SLCO4C1: variants seen among roughly 807,000 people sequenced by gnomAD.
SLCO4C1 encodes the protein organic anion transporter M1.
SLCO4C1 carries 58 observed loss-of-function variants against 72.1 expected under a neutral mutation model. That is an observed-to-expected ratio of 0.80 (90% CI 0.65 to 1.00). The LOEUF (loss-of-function observed/expected upper bound fraction) is 1.00, where lower values mean the gene tolerates loss of function less well. Among genes scored for constraint, SLCO4C1 ranks in the 50% least tolerant of loss-of-function variants. The pLI is 0.00. For missense variants in SLCO4C1, 898 were observed against 857.9 expected (o/e 1.05, Z -0.58); for synonymous variants, 297 against 312.5 (o/e 0.95, Z 0.52).
chr5:102,244,472 A>G (rs1748602417), intron 10 of SLCO4C1, among the ~76,000 whole-genome samples: 1 of 152,182 alleles, frequency 6.6e-6, no homozygotes, highest in African/African-American at 2.4e-5. Flanking sequence ...AAGAAAGTCT[A>G]TTCAAAAAGA....
Position 102,270,769 on chromosome 5 carries a change from T to C in SLCO4C1, c.657A>G (p.Thr219=), listed in dbSNP as rs1420141445. The change falls in exon 3 of 13, where the codon ACA becomes ACG. Residue 219 remains threonine, a synonymous_variant. Transcript: ENST00000310954. ...CVTTRNSTSC[T]SSTSSLSNYL... ...AGTTAGAAAGTGAAGAAGTTGAAGA[T>C]GTACAACTGGTGCTATTCCTTGTTG... 2 of 1,610,658 alleles carry C rather than the reference T, an allele frequency of 1.2e-6. No homozygotes were observed. The highest frequency in any genetic ancestry group is 2.2e-5 in the East Asian group (1 of 44,750).
At chr5:102,255,636 C>G (rs182259041) in intron 8 of SLCO4C1, among the ~76,000 whole-genome samples, 1 of 152,112 alleles carries the variant, frequency 6.6e-6, no homozygotes, top group African/African-American at 2.4e-5. Flanking sequence ...ATTCCCTCTC[C>G]CTTTCTCTCT....
At chr5:102,251,619 G>A (rs1244696327) in intron 8 of SLCO4C1, among the ~76,000 whole-genome samples, 1 of 152,054 alleles carries the variant, frequency 6.6e-6, no homozygotes, top group Admixed American at 6.6e-5. Flanking sequence ...AGAGTCAAAG[G>A]TGACTCCTAA....
intron 10 of SLCO4C1, among the ~76,000 whole-genome samples, chr5:102,241,339 T>G (rs1199932004): frequency 6.6e-6 from 1 of 152,076 alleles, no homozygotes; most frequent in Non-Finnish European, 1.5e-5. Context: ...GATGACATGG[T>G]CATATATGTA....
chr5:102,272,784 G>A (rs975215771), intron 2 of SLCO4C1, among the ~76,000 whole-genome samples: 15 of 139,458 alleles, frequency 1.1e-4, no homozygotes, highest in South Asian at 4.6e-4. Context: ...GGTAAAACCC[G>A]TCTCTACTGA....
Position 102,270,728 on chromosome 5 carries a change from A to T in SLCO4C1, c.698T>A (p.Ile233Asn), listed in dbSNP as rs747548879. The change falls in exon 3 of 13, where the codon ATC becomes AAC. Residue 233 changes from isoleucine to asparagine, a missense_variant. Transcript: ENST00000310954. ...TGCCCCCAGCAATAGTTGTCCCAAGATGAAGACATACAAGTAGTTAGAAAG... is the reference window on the plus strand; with the variant it reads ...TGCCCCCAGCAATAGTTGTCCCAAGTTGAAGACATACAAGTAGTTAGAAAG... Reference protein sequence around the residue: ...SSLSNYLYVFILGQLLLGAGG... With the variant: ...SSLSNYLYVFNLGQLLLGAGG... The T allele has an allele frequency of 1.9e-6, 3 of 1,613,246 alleles. No individual in the cohort carries two copies. Among genetic ancestry groups the T allele is most frequent in the Admixed American group, 3.3e-5 (2 of 59,900 alleles).
chr5:102,267,630 G>T (rs1208125437), intron 3 of SLCO4C1, among the ~76,000 whole-genome samples: 1 of 93,298 alleles, frequency 1.1e-5, no homozygotes, highest in Non-Finnish European at 2.2e-5. Context: ...TTCTGTTATA[G>T]TCTTTATTAT....
chr5:102,272,895 G>A (rs934607733), intron 2 of SLCO4C1, among the ~76,000 whole-genome samples: 25 of 151,938 alleles, frequency 1.6e-4, no homozygotes, highest in Admixed American at 6.6e-4. Flanking sequence ...GGAGGAGGTT[G>A]CAGTGAGCCA....
chr5:102,255,778 A>G (rs572691742), intron 8 of SLCO4C1, among the ~76,000 whole-genome samples: 65 of 73,788 alleles, frequency 8.8e-4, no homozygotes, highest in East Asian at 3.3e-3. Flanking sequence ...TTTCAATTCC[A>G]TAGCAATTTT....
intron 6 of SLCO4C1, among the ~76,000 whole-genome samples, chr5:102,258,297 A>T (rs946595552): frequency 6.6e-6 from 1 of 152,220 alleles, no homozygotes; most frequent in Non-Finnish European, 1.5e-5. Context: ...TAGAAAATTG[A>T]TAGATAATTC....
chr5:102,257,990 A>T lies in SLCO4C1; in HGVS notation c.1226T>A (p.Ile409Lys). 1 of 1,609,496 alleles carries T rather than the reference A, an allele frequency of 6.2e-7. No homozygotes were observed. Among genetic ancestry groups the T allele is most frequent in the Non-Finnish European group, 8.5e-7 (1 of 1,178,602 alleles). ...GGATGTCAATCCGAATTGATTTTCT[A>T]TAAATTTAGGTAAAAATGTAGCAAA... Reference protein sequence around the residue: ...TGFATFLPKFIENQFGLTSSF... With the variant: ...TGFATFLPKFKENQFGLTSSF... Residue 409 changes from isoleucine to lysine, a missense_variant, in exon 7 of 13, where the codon ATA becomes AAA. Ile to Lys is a moderately radical substitution (Grantham distance 102). Coordinates refer to ENST00000310954, the MANE Select transcript of SLCO4C1 (RefSeq NM_180991.5).
chr5:102,234,501 C>T lies in SLCO4C1; in HGVS notation c.*2357G>A, dbSNP rs1009717943. On this transcript the variant is annotated 3_prime_UTR_variant, in exon 13 of 13. Transcript: ENST00000310954. ...ATTAAAGCGCTTATTTAAAAAGTAT[C>T]ACCTTATAAAACTGAGTATATAAAA... 1 of 152,538 alleles carries T rather than the reference C, an allele frequency of 6.6e-6. No homozygotes were observed. Among genetic ancestry groups the T allele is most frequent in the African/African-American group, 2.4e-5 (1 of 41,446 alleles). The allele number at this position is 152,538 out of a possible 1,614,324, so 9.4% of individuals were successfully genotyped here.
chr5:102,239,329 C>A lies in SLCO4C1; in HGVS notation c.1936G>T (p.Asp646Tyr), dbSNP rs145667218. Reference protein sequence around the residue: ...FTIDSTCILWDINDCGIKGAC... With the variant: ...FTIDSTCILWYINDCGIKGAC... Reference sequence around the variant, plus strand: ...CCTTTAATTCCACAATCATTTATATCCCAAAGAATACATGTGCTGTCTATT... The same window carrying A: ...CCTTTAATTCCACAATCATTTATATACCAAAGAATACATGTGCTGTCTATT... The change falls in exon 12 of 13, where the codon GAT becomes TAT. Residue 646 changes from aspartate (D) to tyrosine (Y), a missense_variant. Asp to Tyr is a radical substitution (Grantham distance 160, BLOSUM62 -3). Transcript: ENST00000310954. 3 of 1,604,948 alleles carry A rather than the reference C, an allele frequency of 1.9e-6. No individual in the cohort carries two copies. Among genetic ancestry groups the A allele is most frequent in the South Asian group, 1.1e-5 (1 of 88,970 alleles).
chr5:102,285,353 C>T (rs1208412315), intron 2 of SLCO4C1, among the ~76,000 whole-genome samples: 4 of 152,178 alleles, frequency 2.6e-5, no homozygotes, highest in Non-Finnish European at 5.9e-5. Flanking sequence ...GTCCCGATCT[C>T]AGCTCCCTGC....
In SLCO4C1 at chr5:102,270,651, G is replaced by A; in HGVS notation, c.775C>T (p.Pro259Ser). The change falls in exon 3 of 13, where the codon CCC (proline) becomes TCC (serine). Residue 259 changes from proline to serine, a missense_variant. Transcript: ENST00000310954. Reference protein sequence around the residue: ...LGTAFLDDSVPTHKSSLYIGT... With the variant: ...LGTAFLDDSVSTHKSSLYIGT... ...ATATAGAGAGAAGACTTGTGTGTGG[G>A]CACAGAATCATCAAGAAAGGCTGTT... 6.2e-7 allele frequency: 1 copy of A among 1,612,216 alleles called. No homozygotes were observed. Among genetic ancestry groups the A allele is most frequent in the African/African-American group, 1.3e-5 (1 of 74,912 alleles).
intron 3 of SLCO4C1, among the ~76,000 whole-genome samples, chr5:102,264,657 G>C (rs1749002054): frequency 2.0e-5 from 3 of 149,952 alleles, no homozygotes. Flanking sequence ...CTAGCTTTTT[G>C]AACATATACA....
intron 2 of SLCO4C1, among the ~76,000 whole-genome samples, chr5:102,285,751 T>C (rs1749440470): frequency 6.6e-6 from 1 of 152,234 alleles, no homozygotes; most frequent in Admixed American, 6.5e-5. Flanking sequence ...ATTACACCAT[T>C]ATAGCTTCTA....
intron 8 of SLCO4C1, among the ~76,000 whole-genome samples, chr5:102,249,997 G>A (rs1748709764): frequency 6.6e-6 from 1 of 152,170 alleles, no homozygotes; most frequent in Non-Finnish European, 1.5e-5. Flanking sequence ...TATAGTATCT[G>A]TCAGTAATTT....
rs1311876640 is a variant in SLCO4C1 at position 102,296,215 on chromosome 5, G to A, written c.48C>T (p.Ser16=). Residue 16 remains serine, a synonymous_variant, in exon 1 of 13, where the codon AGC becomes AGT. Transcript: ENST00000310954. ...CAGACAAGCGGCGCAGGATGTCTGG[G>A]CTGGAGGGGACAAAAGCCAAGTTCT... ...GIENLAFVPS[S]PDILRRLSAS... The A allele has an allele frequency of 6.3e-7, 1 of 1,585,796 alleles. No individual in the cohort carries two copies. The highest frequency in any genetic ancestry group is 1.8e-5 in the Admixed American group (1 of 54,786).
Sources: allele counts gnomAD v4.1 joint callset (sites outside exome capture counted in the v4.1 genomes callset), GRCh38; gene constraint gnomAD v4.1.1; transcripts MANE v1.5; gene names NCBI Gene and HGNC (gene_info 2026-07-23, HGNC 2026-07-21).